Variants in POLE2 observed in about 807,000 individuals in gnomAD.
The protein encoded by POLE2 is DNA polymerase epsilon subunit 2.
In POLE2, 56 loss-of-function variants were observed where a neutral mutation model predicts 79.4. The ratio of observed to expected loss-of-function variants is 0.71; its 90% confidence interval spans 0.57 to 0.88. POLE2 has a LOEUF of 0.88. POLE2 is among the 40% of genes least tolerant of loss of function. The pLI, the probability that POLE2 is intolerant of heterozygous loss-of-function variation, is 0.00. For synonymous variants in POLE2, 212 were observed against 214.0 expected (o/e 0.99, Z 0.08); for missense variants, 598 against 638.9 (o/e 0.94, Z 0.69).
Position 49,663,390 on chromosome 14 carries a change from G to GA in POLE2, c.683-4dup. ...AAACACTTGATCTTCAAACCAACCT[G>GA]AAAAAAAGTAACGTCACTTTCATTT... is the stretch of plus-strand genomic sequence containing the variant. On this transcript the variant is annotated splice_polypyrimidine_tract_variant and splice_region_variant and intron_variant, in intron 9 of 18. Coordinates refer to ENST00000216367, the MANE Select transcript of POLE2 (RefSeq NM_002692.4). The GA allele has an allele frequency of 1.2e-6, 2 of 1,600,060 alleles. No individual in the cohort carries two copies. The highest frequency in any genetic ancestry group is 1.7e-6 in the Non-Finnish European group (2 of 1,171,442).
chr14:49,661,031 G>A (rs953048918), intron 10 of POLE2, among the ~76,000 whole-genome samples: 13 of 152,204 alleles, frequency 8.5e-5, no homozygotes, highest in African/African-American at 3.1e-4. Flanking sequence ...CAAAGTTCAA[G>A]CGATTCTCTC....
intron 17 of POLE2, 30 bp from the exon 18 acceptor site, chr14:49,647,390 A>C (rs954149399): frequency 9.0e-7 from 1 of 1,106,610 alleles, no homozygotes; most frequent in Non-Finnish European, 1.3e-6. Context: ...CTGTAAGTGA[A>C]TGCTCAGACT....
At chr14:49,643,722 C>CT in intron 18 of POLE2, 52 bp from the exon 19 acceptor site, 1 of 916,160 alleles carries the variant, frequency 1.1e-6, no homozygotes, top group Non-Finnish European at 1.7e-6. Flanking sequence ...TGTATACTTA[C>CT]TAATAGTTGT....
Position 49,644,506 on chromosome 14 carries a change from G to A in POLE2, c.1566-836C>T, listed in dbSNP as rs369397348. Among the ~76,000 whole-genome samples the A allele has an allele frequency of 1.2e-3, 167 of 139,328 alleles. 4 individuals are homozygous for A. The East Asian group carries it at 0.019, about 15-fold the overall frequency. The allele number at this position is 139,328 out of a possible 152,430, so 91.4% of individuals were successfully genotyped here. On this transcript the variant is annotated intron_variant, in intron 18 of 18. Coordinates refer to ENST00000216367, the MANE Select transcript of POLE2 (RefSeq NM_002692.4). ...GCCTGGGCAACAAGAGCAAAACTCC[G>A]TCTCCAAAAAAAAAAAAAGTATTCT...
intron 10 of POLE2, among the ~76,000 whole-genome samples, chr14:49,659,008 T>C (rs1379585563): frequency 2.0e-5 from 3 of 152,352 alleles, no homozygotes; most frequent in Admixed American, 6.5e-5. Context: ...CTGAAGACTT[T>C]CCAGTGGACA....
chr14:49,663,580 T>C (rs1350082766), intron 9 of POLE2, among the ~76,000 whole-genome samples, 193 bp from the exon 10 acceptor site: 2 of 152,252 alleles, frequency 1.3e-5, no homozygotes, highest in Non-Finnish European at 2.9e-5. Flanking sequence ...ATTCATTAAA[T>C]AGAAATAGAT....
chr14:49,671,331 C>T (rs1594598543), intron 5 of POLE2, among the ~76,000 whole-genome samples: 1 of 152,142 alleles, frequency 6.6e-6, no homozygotes, highest in South Asian at 2.1e-4. Context: ...AAAAGACGTA[C>T]TACTGAGTTG....
intron 10 of POLE2, among the ~76,000 whole-genome samples, chr14:49,661,259 G>T (rs1200524135): frequency 6.6e-6 from 1 of 152,116 alleles, no homozygotes; most frequent in Non-Finnish European, 1.5e-5. Flanking sequence ...TTACTAGAAG[G>T]AATACAAGTG....
intron 10 of POLE2, among the ~76,000 whole-genome samples, chr14:49,662,124 A>G (rs572667364): frequency 6.6e-6 from 1 of 152,344 alleles, no homozygotes; most frequent in Admixed American, 6.5e-5. Context: ...GCACTCAAAT[A>G]GAGGTGAGCT....
chr14:49,657,628 T>G (rs1884790705), intron 10 of POLE2, among the ~76,000 whole-genome samples: 2 of 152,028 alleles, frequency 1.3e-5, no homozygotes, highest in South Asian at 4.2e-4. Context: ...TTAGTAGAGA[T>G]GGGGTTTCAC....
intron 8 of POLE2, 41 bp from the exon 9 acceptor site, chr14:49,664,715 G>C (rs1218272489): frequency 1.6e-6 from 2 of 1,258,546 alleles, no homozygotes; most frequent in Non-Finnish European, 2.3e-6. Flanking sequence ...TCTTGAGGCA[G>C]TAATAAAGTC....
At chr14:49,650,840 A>G (rs1229701731) in intron 16 of POLE2, among the ~76,000 whole-genome samples, 1 of 152,210 alleles carries the variant, frequency 6.6e-6, no homozygotes, top group East Asian at 1.9e-4. Context: ...ATGGGGGTGT[A>G]TGTAACCTGT....
In POLE2 at chr14:49,655,052, T is replaced by C. The variant is rs1022710922; in HGVS notation, c.971A>G (p.Asn324Ser). The C allele has an allele frequency of 6.3e-7, 1 of 1,578,460 alleles. No individual in the cohort carries two copies. Among genetic ancestry groups the C allele is most frequent in the East Asian group, 2.3e-5 (1 of 43,130 alleles). Residue 324 changes from asparagine (N) to serine (S), a missense_variant, in exon 12 of 19, where the codon AAT becomes AGT. By Grantham distance (46) the Asn-to-Ser change is conservative. Transcript: ENST00000216367. ...TTTTCCATATGGTGCAGATGAAAAA[T>C]TACCACACAGAATAAAGCAGGTTGG... ...APPTCFILCG[N>S]FSSAPYGKNQ...
intron 1 of POLE2, among the ~76,000 whole-genome samples, chr14:49,685,613 CT>C (rs536967383): frequency 3.3e-5 from 5 of 151,656 alleles, no homozygotes; most frequent in African/African-American, 1.2e-4. Flanking sequence ...CCTGTTCTTT[CT>C]TTTTTTTCTT....
At chr14:49,647,430 ATATG>A (rs1883865189) in intron 17 of POLE2, 70 bp from the exon 18 acceptor site, 2 of 546,412 alleles carry the variant, frequency 3.7e-6, no homozygotes, top group Non-Finnish European at 6.1e-6. Context: ...TTTAAACACA[ATATG>A]TATATTTTTT....
At chr14:49,663,465 T>C in intron 9 of POLE2, 78 bp from the exon 10 acceptor site, 1 of 952,832 alleles carries the variant, frequency 1.0e-6, no homozygotes. Context: ...AACAAAGCAA[T>C]AATGCCAGGC....
intron 2 of POLE2, chr14:49,681,546 G>C (rs958009773): frequency 1.3e-4 from 20 of 152,156 alleles, no homozygotes; most frequent in African/African-American, 4.8e-4. Flanking sequence ...GGCCAAGGTG[G>C]GTGGATTACC....
intron 2 of POLE2, chr14:49,681,177 C>CT (rs1886677150): frequency 6.4e-6 from 1 of 155,792 alleles, no homozygotes. Flanking sequence ...AAATATCAGA[C>CT]TTTTTTTCCA....
intron 15 of POLE2, among the ~76,000 whole-genome samples, chr14:49,653,614 AGTTT>A (rs1276694708): frequency 2.0e-5 from 3 of 152,008 alleles, no homozygotes; most frequent in African/African-American, 7.2e-5. Flanking sequence ...GAATCAAGTT[AGTTT>A]TTTTGTTTTT....
Sources: gnomAD v4.1 joint callset for allele counts (sites outside exome capture counted in the v4.1 genomes callset) on GRCh38, gnomAD v4.1.1 for gene constraint, MANE v1.5 for transcripts, NCBI Gene and HGNC (gene_info 2026-07-23, HGNC 2026-07-21) for gene names.